Variants in CCDC171 observed in about 807,000 individuals in gnomAD.
The protein encoded by CCDC171 is coiled-coil domain containing 171, also known as coiled-coil domain-containing protein 171.
CCDC171 carries 177 observed loss-of-function variants against 168.2 expected under a neutral mutation model. The observed-to-expected ratio is 1.05, with a 90% CI of 0.93 to 1.19. The LOEUF (loss-of-function observed/expected upper bound fraction) is 1.19, where lower values mean the gene tolerates loss of function less well. CCDC171 is among the 50% of genes most tolerant of loss of function. CCDC171 has a pLI of 0.00. For missense variants in CCDC171, 1,991 were observed against 1,539.0 expected (o/e 1.29, Z -4.91); for synonymous variants, 687 against 540.8 (o/e 1.27, Z -3.75).
intron 1 of CCDC171, among the ~76,000 whole-genome samples, chr9:15,558,830 A>G (rs202010901): frequency 3.9e-5 from 6 of 151,904 alleles, no homozygotes; most frequent in Admixed American, 1.3e-4. Flanking sequence ...ATGTTAGGGT[A>G]TCAATTTTAG....
At chr9:15,627,033 G>C (rs886622802) in intron 7 of CCDC171, among the ~76,000 whole-genome samples, 4 of 152,132 alleles carry the variant, frequency 2.6e-5, no homozygotes, top group Non-Finnish European at 5.9e-5. Context: ...CTTCTTCCTG[G>C]TTTAGTCTTG....
chr9:15,605,684 CAA>C (rs71325924), intron 6 of CCDC171, among the ~76,000 whole-genome samples: 13,069 of 121,282 alleles, frequency 0.11, 766 homozygotes, highest in Middle Eastern at 0.17. Flanking sequence ...GAGACTCTGT[CAA>C]AAAAAAAAAA....
chr9:16,089,003 C>A, the CCDC171 span, among the ~76,000 whole-genome samples: 1 of 152,012 alleles, frequency 6.6e-6, no homozygotes, highest in East Asian at 1.9e-4. Context: ...GTACTGGTAC[C>A]AAAACAGATA....
chr9:15,846,802 A>G lies in CCDC171; in HGVS notation c.3368A>G (p.Glu1123Gly). 1.2e-6 allele frequency: 2 copies of G among 1,611,288 alleles called. No homozygotes were observed. Among genetic ancestry groups the G allele is most frequent in the Non-Finnish European group, 1.7e-6 (2 of 1,178,560 alleles). The change falls in exon 22 of 26, where the codon GAG becomes GGG. Residue 1123 changes from glutamate to glycine, a missense_variant. Transcript: ENST00000380701. ...TQLEQDKRRL[E>G]ENIHDAESAL... is the part of the protein sequence containing the mutation. ...CTGGAGCAGGACAAGCGTCGACTGG[A>G]GGAGAACATCCATGATGCAGAGAGT...
the CCDC171 span, among the ~76,000 whole-genome samples, chr9:16,080,718 C>G: frequency 1.3e-4 from 20 of 152,154 alleles, no homozygotes; most frequent in African/African-American, 4.6e-4. Context: ...CTCTGGGATT[C>G]TTTATACATC....
intron 25 of CCDC171, among the ~76,000 whole-genome samples, chr9:15,952,575 T>G (rs1330960817): frequency 1.3e-5 from 2 of 152,084 alleles, no homozygotes; most frequent in Non-Finnish European, 2.9e-5. Context: ...TTTTGTACTT[T>G]TAGTAGAGAC....
At chr9:15,613,011 T>C (rs1221893723) in intron 6 of CCDC171, among the ~76,000 whole-genome samples, 1 of 152,202 alleles carries the variant, frequency 6.6e-6, no homozygotes, top group Non-Finnish European at 1.5e-5. Flanking sequence ...GACTGTTTTG[T>C]TGGGGGTTCT....
intron 2 of CCDC171, among the ~76,000 whole-genome samples, chr9:15,566,968 A>C (rs1288078347): frequency 6.6e-6 from 1 of 151,304 alleles, no homozygotes; most frequent in Non-Finnish European, 1.5e-5. Context: ...AAATTACTTA[A>C]CTATTTAAGT....
chr9:15,896,793 G>C (rs549383887), intron 24 of CCDC171, among the ~76,000 whole-genome samples: 1 of 152,076 alleles, frequency 6.6e-6, no homozygotes, highest in African/African-American at 2.4e-5. Flanking sequence ...ACTGAACAGT[G>C]GTGGCCCAGA....
chr9:15,799,250 A>T (rs993163332), intron 21 of CCDC171, among the ~76,000 whole-genome samples: 3 of 147,924 alleles, frequency 2.0e-5, no homozygotes, highest in Admixed American at 1.4e-4. Context: ...TCCCTTTAAC[A>T]TTTCTTGTGA....
chr9:15,686,855 G>A lies in CCDC171; in HGVS notation c.1215+7959G>A, dbSNP rs1587958630. 2.0e-5 allele frequency among the ~76,000 whole-genome samples: 3 copies of A among 152,256 alleles called. No individual in the cohort carries two copies. The South Asian group carries it at 6.2e-4, about 32-fold the overall frequency. On this transcript the variant is annotated intron_variant, in intron 10 of 25. Transcript: ENST00000380701. ...TTGCAGTAATGGGTAGAACAATGAGGAAGAATATCACCAAATAAATAGAAG... is the reference window on the plus strand; with the variant it reads ...TTGCAGTAATGGGTAGAACAATGAGAAAGAATATCACCAAATAAATAGAAG...
At chr9:15,943,921 G>A (rs1188811379) in intron 25 of CCDC171, among the ~76,000 whole-genome samples, 1 of 151,950 alleles carries the variant, frequency 6.6e-6, no homozygotes, top group Non-Finnish European at 1.5e-5. Flanking sequence ...AGTTGTATTT[G>A]AGCTTGATTT....
At chr9:15,664,705 T>C (rs930677057) in intron 8 of CCDC171, among the ~76,000 whole-genome samples, 1 of 148,546 alleles carries the variant, frequency 6.7e-6, no homozygotes, top group African/African-American at 2.5e-5. Flanking sequence ...TTTTTTTTTT[T>C]TTTTTTTTTT....
At chr9:15,718,375 G>T (rs923690343) in intron 11 of CCDC171, among the ~76,000 whole-genome samples, 7 of 152,234 alleles carry the variant, frequency 4.6e-5, no homozygotes, top group Non-Finnish European at 1.0e-4. Flanking sequence ...CAGCATCTCT[G>T]GATCTTCCCA....
chr9:15,707,135 G>C (rs2052308076), intron 11 of CCDC171, among the ~76,000 whole-genome samples: 2 of 152,180 alleles, frequency 1.3e-5, no homozygotes, highest in Non-Finnish European at 2.9e-5. Context: ...CGTTTCCTCT[G>C]TTGTCATTTG....
chr9:15,941,306 C>G (rs1038011140), intron 25 of CCDC171, among the ~76,000 whole-genome samples: 5 of 151,932 alleles, frequency 3.3e-5, no homozygotes, highest in African/African-American at 1.2e-4. Flanking sequence ...TGGAGCTCGC[C>G]GGTAGCGATT....
chr9:15,782,557 G>T (rs964799821), intron 20 of CCDC171, among the ~76,000 whole-genome samples: 2 of 152,136 alleles, frequency 1.3e-5, no homozygotes, highest in Non-Finnish European at 2.9e-5. Flanking sequence ...GCAAAATGGT[G>T]GGGATGTTGA....
At chr9:16,084,327 C>T in the CCDC171 span, among the ~76,000 whole-genome samples, 4 of 152,114 alleles carry the variant, frequency 2.6e-5, no homozygotes, top group African/African-American at 9.7e-5. Flanking sequence ...ACCTTAGATA[C>T]CCAAGAAGTC....
chr9:16,055,235 T>TG (rs1248849255), intron 1 of CCDC171, among the ~76,000 whole-genome samples: 1 of 152,058 alleles, frequency 6.6e-6, no homozygotes, highest in Non-Finnish European at 1.5e-5. Context: ...GATAGGGAGA[T>TG]GGGGTAAAAT....
Sources: gnomAD v4.1 joint callset for allele counts (sites outside exome capture counted in the v4.1 genomes callset) on GRCh38, gnomAD v4.1.1 for gene constraint, MANE v1.5 for transcripts, NCBI Gene and HGNC (gene_info 2026-07-23, HGNC 2026-07-21) for gene names.